The following CDH4 variants were observed in gnomAD, a reference collection of about 807,000 sequenced individuals.
CDH4 encodes the protein cadherin 4.
A neutral mutation model predicts 86.0 loss-of-function variants in CDH4; 33 were observed. The observed-to-expected ratio is 0.38, with a 90% confidence interval of 0.29 to 0.51. The LOEUF is 0.51. Among genes scored for constraint, CDH4 ranks in the 20% least tolerant of loss-of-function variants. The pLI, the probability that CDH4 is intolerant of heterozygous loss-of-function variation, is 0.86. For missense variants in CDH4, 1,114 were observed against 1,307.4 expected (o/e 0.85, Z 2.28); for synonymous variants, 555 against 549.4 (o/e 1.01, Z -0.14).
At chr20:61,611,155 A>G (rs1020166462) in intron 2 of CDH4, among the ~76,000 whole-genome samples, 2 of 151,980 alleles carry the variant, frequency 1.3e-5, no homozygotes, top group African/African-American at 2.4e-5. Context: ...GATAGTCCCC[A>G]ACTGCAGTGA....
chr20:61,475,057 A>G (rs1174618837), intron 2 of CDH4, among the ~76,000 whole-genome samples: 3 of 152,214 alleles, frequency 2.0e-5, no homozygotes. Flanking sequence ...ATGCCTTTTG[A>G]TTATGGCGAT....
intron 2 of CDH4, among the ~76,000 whole-genome samples, chr20:61,716,360 C>T (rs143148360): frequency 0.02 from 3,086 of 151,450 alleles, 97 homozygotes; most frequent in African/African-American, 0.07. Flanking sequence ...GGACGCTCCT[C>T]GCCTGTGAGC....
At chr20:61,317,396 GTGCC>G (rs1174873764) in intron 2 of CDH4, among the ~76,000 whole-genome samples, 24 of 152,172 alleles carry the variant, frequency 1.6e-4, no homozygotes. Context: ...GAGTCTCCAG[GTGCC>G]TGCACTGTAA....
At chr20:61,507,176 A>G (rs776216094) in intron 2 of CDH4, among the ~76,000 whole-genome samples, 3 of 152,222 alleles carry the variant, frequency 2.0e-5, no homozygotes, top group Admixed American at 6.5e-5. Flanking sequence ...CATATACACA[A>G]CAGACATCTA....
chr20:61,573,513 TC>T (rs2086360335), intron 2 of CDH4, among the ~76,000 whole-genome samples: 1 of 152,186 alleles, frequency 6.6e-6, no homozygotes, highest in African/African-American at 2.4e-5. Context: ...CACCATCATG[TC>T]TGAGGGTCCT....
chr20:61,465,061 TA>T (rs1363778533), intron 2 of CDH4, among the ~76,000 whole-genome samples: 1 of 152,196 alleles, frequency 6.6e-6, no homozygotes, highest in Non-Finnish European at 1.5e-5. Context: ...CCTTCACATT[TA>T]AAAGATGTGT....
intron 2 of CDH4, among the ~76,000 whole-genome samples, chr20:61,617,725 G>A (rs1329653231): frequency 6.6e-6 from 1 of 152,190 alleles, no homozygotes; most frequent in Non-Finnish European, 1.5e-5. Flanking sequence ...AGTGCTCAGG[G>A]TTTAGAGAGG....
chr20:61,895,007 C>T lies in CDH4; in HGVS notation c.1148C>T (p.Thr383Ile), dbSNP rs763599303. ...SNTATAIITV[T>I]DVNDNPPEFT... ...ACAGCCACAGCCATCATCACGGTGA[C>T]AGATGTGAATGACAACCCGCCAGAA... Residue 383 changes from threonine (T) to isoleucine (I), a missense_variant, in exon 8 of 16, where the codon ACA becomes ATA. Physicochemically the swap from Thr to Ile is moderately conservative, Grantham distance 89. This residue lies in a region of CDH4 where 705 missense variants were observed against 914.1 expected (regional missense o/e 0.77). Coordinates refer to ENST00000614565, the MANE Select transcript of CDH4 (RefSeq NM_001794.5). The T allele has an allele frequency of 1.5e-5, 24 of 1,613,960 alleles. No homozygotes were observed. Among genetic ancestry groups the T allele is most frequent in the Non-Finnish European group, 2.0e-5 (24 of 1,180,018 alleles).
At position 61,512,009 on chromosome 20, in the gene CDH4, C is replaced by T. The variant is rs936530132; in HGVS notation, c.170-231554C>T. On this transcript the variant is annotated intron_variant, in intron 2 of 15. Transcript: ENST00000614565. Reference sequence around the variant, plus strand: ...GGGATCCTGAGATTTCACAGTAGGCCGAGAACACCCTCCATCCGCATTGAT... The same window carrying T: ...GGGATCCTGAGATTTCACAGTAGGCTGAGAACACCCTCCATCCGCATTGAT... 5.9e-5 allele frequency among the ~76,000 whole-genome samples: 9 copies of T among 152,162 alleles called. 1 individual carries two copies. The highest frequency in any genetic ancestry group is 1.2e-4 in the African/African-American group (5 of 41,430).
At chr20:61,839,733 TTGTG>T (rs1568843251) in intron 4 of CDH4, among the ~76,000 whole-genome samples, 1 of 151,600 alleles carries the variant, frequency 6.6e-6, no homozygotes, top group Non-Finnish European at 1.5e-5. Context: ...AGTGTGTGTG[TTGTG>T]TGTACATGTA....
At chr20:61,586,168 G>A (rs1396703598) in intron 2 of CDH4, among the ~76,000 whole-genome samples, 1 of 151,686 alleles carries the variant, frequency 6.6e-6, no homozygotes, top group East Asian at 1.9e-4. Flanking sequence ...GGGAAATGAT[G>A]ATGATGTTTA....
At chr20:61,383,776 C>CATATATATATGAAGATATATATGCAT (rs201802319) in intron 2 of CDH4, among the ~76,000 whole-genome samples, 2 of 74,306 alleles carry the variant, frequency 2.7e-5, no homozygotes, top group African/African-American at 8.7e-5. Context: ...GATATATATG[C>CATATATATATGAAGATATATATGCAT]ATATATATGA....
intron 2 of CDH4, among the ~76,000 whole-genome samples, chr20:61,598,171 A>G (rs2086570395): frequency 6.6e-6 from 1 of 151,908 alleles, no homozygotes; most frequent in Admixed American, 6.6e-5. Flanking sequence ...GCTGGATGGG[A>G]AGACCCCACT....
At chr20:61,907,814 G>A (rs935166861) in intron 8 of CDH4, among the ~76,000 whole-genome samples, 34 of 152,180 alleles carry the variant, frequency 2.2e-4, no homozygotes, top group Admixed American at 1.3e-4. Flanking sequence ...TGGTGGGGGC[G>A]GTAGCTGTCC....
At chr20:61,920,261 GCA>G (rs2054960688) in intron 9 of CDH4, among the ~76,000 whole-genome samples, 2 of 135,322 alleles carry the variant, frequency 1.5e-5, no homozygotes, top group South Asian at 2.5e-4. Flanking sequence ...CACAGTGATT[GCA>G]TGGAAGCGTG....
At chr20:61,819,354 C>T (rs1206952672) in intron 4 of CDH4, among the ~76,000 whole-genome samples, 1 of 152,258 alleles carries the variant, frequency 6.6e-6, no homozygotes, top group African/African-American at 2.4e-5. Context: ...GCTCGGCTTC[C>T]AGATGCATGA....
chr20:61,739,487 T>C (rs1033020880), intron 2 of CDH4, among the ~76,000 whole-genome samples: 6 of 151,348 alleles, frequency 4.0e-5, no homozygotes, highest in Non-Finnish European at 8.8e-5. Flanking sequence ...CAAAAACAGG[T>C]GATGTGAGGG....
intron 2 of CDH4, among the ~76,000 whole-genome samples, chr20:61,270,242 G>A (rs56912179): frequency 3.3e-4 from 51 of 152,290 alleles, no homozygotes; most frequent in African/African-American, 1.2e-3. Flanking sequence ...GGATTACGCC[G>A]TATCCTATTT....
rs541457015 is a variant in CDH4, at chr20:61,477,946, A to G, written c.169+223009A>G. Among the ~76,000 whole-genome samples, 108 of 152,346 alleles carry G rather than the reference A, an allele frequency of 7.1e-4. 3 individuals carry two copies. Among genetic ancestry groups the G allele is most frequent in the Middle Eastern group, 3.4e-3 (1 of 294 alleles). ...CTCTCTCTCCGTCTTACACACAGAC[A>G]TAGAGCTTTTGTTGTGGAAAGTAAG... On this transcript the variant is annotated intron_variant, in intron 2 of 15. Transcript: ENST00000614565.
Sources: gnomAD v4.1 joint callset for allele counts (sites outside exome capture counted in the v4.1 genomes callset) on GRCh38, gnomAD v4.1.1 for gene constraint, gnomAD v4.1.1 regional missense constraint, MANE v1.5 for transcripts, NCBI Gene and HGNC (gene_info 2026-07-23, HGNC 2026-07-21) for gene names.